Variants in FBLN2 observed in about 807,000 individuals in gnomAD.
The protein encoded by FBLN2 is fibulin-2.
Under a neutral mutation model 123.7 loss-of-function variants are expected in FBLN2, and 81 were observed. The ratio of observed to expected loss-of-function variants is 0.65; its 90% CI spans 0.55 to 0.79. FBLN2 has a LOEUF of 0.79. Ranked by LOEUF, FBLN2 falls within the 30% of genes least tolerant of loss-of-function variation. The pLI, the probability that FBLN2 is intolerant of heterozygous loss-of-function variation, is 0.00. For missense variants in FBLN2, 1,603 were observed against 1,681.3 expected, an observed-to-expected ratio of 0.95 and a Z score of 0.81; for synonymous variants, 699 against 701.4, an observed-to-expected ratio of 1.00 and a Z score of 0.05.
intron 10 of FBLN2, among the ~76,000 whole-genome samples, chr3:13,627,366 T>C (rs1262750757): frequency 6.6e-6 from 1 of 152,146 alleles, no homozygotes; most frequent in Non-Finnish European, 1.5e-5. Context: ...CACATGACCT[T>C]ACCTTAGAGA....
At chr3:13,615,937 G>C in intron 5 of FBLN2, among the ~76,000 whole-genome samples, 1 of 152,218 alleles carries the variant, frequency 6.6e-6, no homozygotes, top group South Asian at 2.1e-4. Context: ...TGTGCATAGG[G>C]GTTAAGATGC....
At chr3:13,624,033 G>C (rs1203041121) in intron 9 of FBLN2, among the ~76,000 whole-genome samples, 1 of 152,212 alleles carries the variant, frequency 6.6e-6, no homozygotes, top group Non-Finnish European at 1.5e-5. Flanking sequence ...TTTGAAGACT[G>C]TCTTGGGCAC....
intron 1 of FBLN2, among the ~76,000 whole-genome samples, chr3:13,559,579 T>C (rs9831797): frequency 0.82 from 124,056 of 152,152 alleles, 50,921 homozygotes; most frequent in East Asian, 1. Flanking sequence ...GAAGTGCTGA[T>C]TGGAGCTCCA....
rs769090032 is a variant in FBLN2, at chr3:13,629,302, C to A, written c.2842+10C>A. 6.2e-7 allele frequency: 1 copy of A among 1,601,970 alleles called. No individual in the cohort carries two copies. The highest frequency in any genetic ancestry group is 1.1e-5 in the South Asian group (1 of 89,038). ...GGCCGGGGCTGCATCGGTAGGTAGG[C>A]TGGTGGCCAGGACCCCTGGGGAACA... On this transcript the variant is annotated intron_variant, in intron 13 of 17. Transcript: ENST00000404922.
intron 10 of FBLN2, 45 bp from the exon 11 acceptor site, chr3:13,627,787 C>G (rs1706099122): frequency 6.3e-7 from 1 of 1,579,892 alleles, no homozygotes; most frequent in African/African-American, 1.3e-5. Context: ...AGTGTAAAGG[C>G]AGGACCTGCC....
chr3:13,626,394 G>C, intron 9 of FBLN2, 51 bp from the exon 10 acceptor site: 1 of 1,473,576 alleles, frequency 6.8e-7, no homozygotes, highest in Non-Finnish European at 9.1e-7. Flanking sequence ...GCTGCACTCA[G>C]CCACTGTCCT....
intron 2 of FBLN2, among the ~76,000 whole-genome samples, chr3:13,576,725 C>G (rs977985030): frequency 1.3e-4 from 20 of 151,816 alleles, no homozygotes; most frequent in South Asian, 2.1e-4. Flanking sequence ...GGGGATCCCC[C>G]CCCCCCGGGT....
At chr3:13,559,927 C>A (rs971106741) in intron 1 of FBLN2, among the ~76,000 whole-genome samples, 2 of 152,022 alleles carry the variant, frequency 1.3e-5, no homozygotes, top group African/African-American at 4.8e-5. Context: ...CTTCTAGGGT[C>A]GGGTGGAGGG....
chr3:13,630,003 G>A (rs1473966604), intron 14 of FBLN2, 58 bp downstream of exon 14: 21 of 1,591,350 alleles, frequency 1.3e-5, no homozygotes, highest in Admixed American at 7.0e-5. Flanking sequence ...GGGCAGACCC[G>A]CCGTGGAAGG....
At chr3:13,587,239 T>A (rs1704539945) in intron 2 of FBLN2, among the ~76,000 whole-genome samples, 1 of 151,880 alleles carries the variant, frequency 6.6e-6, no homozygotes, top group Admixed American at 6.6e-5. Context: ...AGCTGTACAA[T>A]GAGGGCATTT....
At chr3:13,626,606 G>A (rs1294515487) in intron 10 of FBLN2, 27 bp downstream of exon 10, 1 of 1,519,966 alleles carries the variant, frequency 6.6e-7, no homozygotes, top group Non-Finnish European at 8.9e-7. Context: ...AGGACCAACT[G>A]GAGGCCCCGC....
chr3:13,560,530 CCA>C (rs765554528), intron 1 of FBLN2, among the ~76,000 whole-genome samples: 12 of 152,158 alleles, frequency 7.9e-5, no homozygotes, highest in Admixed American at 1.3e-4. Context: ...ACAGAAAGGA[CCA>C]CAGACCTCTC....
Position 13,549,174 on chromosome 3 carries a change from G to A in FBLN2, c.-76G>A. ...CTCTCGACGCGCCGACGGCCGGGCG[G>A]ACGGACGGACGGACGCCGAGCGCAG... On this transcript the variant is annotated 5_prime_UTR_variant, in exon 1 of 18. Transcript: ENST00000404922. 2 of 982,582 alleles carry A rather than the reference G, an allele frequency of 2.0e-6. No homozygotes were observed. The highest frequency in any genetic ancestry group is 2.4e-6 in the Non-Finnish European group (2 of 828,580). The allele number at this position is 982,582 out of a possible 1,614,324, so 60.9% of individuals were successfully genotyped here. A position where few individuals can be genotyped will look rare whatever the true frequency, so the allele number is the denominator to read the frequency against.
In FBLN2 at chr3:13,618,041, G is replaced by A. The variant is rs113549569; in HGVS notation, c.1730-35G>A. The A allele has an allele frequency of 1.6e-3, 2,642 of 1,604,656 alleles. 5 individuals carry two copies. The highest frequency in any genetic ancestry group is 2.2e-3 in the Non-Finnish European group (2,538 of 1,174,704). On this transcript the variant is annotated intron_variant, in intron 5 of 17. Coordinates refer to ENST00000404922, the MANE Select transcript of FBLN2 (RefSeq NM_001004019.2). ...TGTCTCAGCCACCTACTCTGACCAAGCTGGCTCTGTCTTGAGCTCTAACCC... is the reference window on the plus strand; with the variant it reads ...TGTCTCAGCCACCTACTCTGACCAAACTGGCTCTGTCTTGAGCTCTAACCC...
At chr3:13,607,755 G>A (rs1334781108) in intron 2 of FBLN2, among the ~76,000 whole-genome samples, 2 of 152,162 alleles carry the variant, frequency 1.3e-5, no homozygotes, top group Admixed American at 1.3e-4. Flanking sequence ...CGTGAGGTCT[G>A]ACCCTGTGGG....
intron 4 of FBLN2, 62 bp downstream of exon 4, chr3:13,609,704 G>C: frequency 1.3e-6 from 2 of 1,529,318 alleles, no homozygotes; most frequent in Non-Finnish European, 1.8e-6. Context: ...GGCTGGCCTG[G>C]GCCTGAAGGT....
intron 2 of FBLN2, among the ~76,000 whole-genome samples, chr3:13,588,709 T>C (rs1178952823): frequency 1.3e-5 from 2 of 152,268 alleles, no homozygotes; most frequent in African/African-American, 4.8e-5. Context: ...GAAAAAAAGA[T>C]CCAGTTTATA....
chr3:13,597,106 A>AT (rs1363711672), intron 2 of FBLN2, among the ~76,000 whole-genome samples: 3 of 151,814 alleles, frequency 2.0e-5, no homozygotes, highest in African/African-American at 4.8e-5. Flanking sequence ...TAATTTTTAA[A>AT]TTTTTTGTAG....
At chr3:13,583,334 A>G (rs1704396474) in intron 2 of FBLN2, among the ~76,000 whole-genome samples, 1 of 152,256 alleles carries the variant, frequency 6.6e-6, no homozygotes, top group African/African-American at 2.4e-5. Context: ...CATTTTGTAG[A>G]CGAGGTGACT....
Sources: allele counts gnomAD v4.1 joint callset (sites outside exome capture counted in the v4.1 genomes callset), GRCh38; gene constraint gnomAD v4.1.1; transcripts MANE v1.5; gene names NCBI Gene and HGNC (gene_info 2026-07-23, HGNC 2026-07-21).